The following WDR17 variants were observed in gnomAD, a reference collection of about 807,000 sequenced individuals.
The protein encoded by WDR17 is WD repeat-containing protein 17.
In WDR17, 143 loss-of-function variants were observed where a neutral mutation model predicts 161.7. That is an observed-to-expected ratio of 0.88 (90% CI 0.77 to 1.02). The LOEUF is 1.02. Ranked by LOEUF, WDR17 falls within the 50% of genes least tolerant of loss-of-function variation. The pLI, the probability that WDR17 is intolerant of heterozygous loss-of-function variation, is 0.00. For missense variants in WDR17, 1,469 were observed against 1,520.9 expected (o/e 0.97, Z 0.57); for synonymous variants, 517 against 515.6 (o/e 1.00, Z -0.04).
intron 6 of WDR17, 83 bp from the exon 7 acceptor site, chr4:176,131,471 T>C: frequency 1.5e-6 from 2 of 1,365,892 alleles, no homozygotes; most frequent in Non-Finnish European, 2.0e-6. Flanking sequence ...GTACAGATTC[T>C]GGATTTTTTT....
intron 1 of WDR17, among the ~76,000 whole-genome samples, chr4:176,076,400 CGTT>C (rs1302110326): frequency 3.9e-5 from 4 of 101,368 alleles, no homozygotes; most frequent in Admixed American, 1.9e-4. Context: ...AATGAGTTGT[CGTT>C]GTTGGTTTTT....
chr4:176,080,867 G>A (rs1308979894), intron 1 of WDR17, among the ~76,000 whole-genome samples: 1 of 151,978 alleles, frequency 6.6e-6, no homozygotes, highest in Non-Finnish European at 1.5e-5. Context: ...TCAAAATTGT[G>A]TATGAAATGC....
chr4:176,177,776 G>C, intron 28 of WDR17, 122 bp downstream of exon 28: 1 of 914,122 alleles, frequency 1.1e-6, no homozygotes, highest in Non-Finnish European at 1.6e-6. Context: ...GGTCCAGTAA[G>C]GAAATATTAC....
At chr4:176,108,262 G>A (rs1473468525) in intron 1 of WDR17, among the ~76,000 whole-genome samples, 1 of 152,140 alleles carries the variant, frequency 6.6e-6, no homozygotes, top group East Asian at 1.9e-4. Flanking sequence ...TAGCTATCGA[G>A]CCATGAAAAG....
intron 3 of WDR17, among the ~76,000 whole-genome samples, chr4:176,119,377 C>T (rs915715561): frequency 6.6e-6 from 1 of 152,080 alleles, no homozygotes; most frequent in Non-Finnish European, 1.5e-5. Flanking sequence ...CCTGATAAGA[C>T]ATAGATTATA....
chr4:176,146,244 T>C lies in WDR17; in HGVS notation c.1694+85T>C, dbSNP rs1746141273. ...GAAATGTACATATTTATAGGAGATA[T>C]ATAGATATATACAGAGTCTCCCTCT... On this transcript the variant is annotated intron_variant, in intron 12 of 28. Transcript: ENST00000508596. 19 of 1,410,322 alleles carry C rather than the reference T, an allele frequency of 1.3e-5. No individual in the cohort carries two copies. The South Asian group carries it at 2.5e-4, about 19-fold the overall frequency. The allele number at this position is 1,410,322 out of a possible 1,614,324, so 87.4% of individuals were successfully genotyped here. A position where few individuals can be genotyped will look rare whatever the true frequency, so the allele number is the denominator to read the frequency against.
At chr4:176,122,733 C>G (rs1440576356) in intron 4 of WDR17, among the ~76,000 whole-genome samples, 14 of 152,182 alleles carry the variant, frequency 9.2e-5, no homozygotes, top group Non-Finnish European at 1.5e-5. Context: ...CCTCCAGGTT[C>G]TTGCAGGAAC....
At position 176,174,608 on chromosome 4, in the gene WDR17, C is replaced by G; in HGVS notation, c.3348-9C>G. ...TGGAATTTATAAAAATAAATATATT[C>G]TCTTTTAGAGCTCGAAATGAGTTGC... is the stretch of plus-strand genomic sequence containing the variant. On this transcript the variant is annotated splice_polypyrimidine_tract_variant and intron_variant, in intron 25 of 28. Coordinates refer to ENST00000508596, the MANE Select transcript of WDR17 (RefSeq NM_181265.4). 1 of 1,588,742 alleles carries G rather than the reference C, an allele frequency of 6.3e-7. No individual in the cohort carries two copies. The highest frequency in any genetic ancestry group is 8.6e-7 in the Non-Finnish European group (1 of 1,164,294).
At chr4:176,100,639 A>G (rs899796709) in intron 1 of WDR17, among the ~76,000 whole-genome samples, 1 of 151,962 alleles carries the variant, frequency 6.6e-6, no homozygotes, top group African/African-American at 2.4e-5. Flanking sequence ...TTTTGAGGTC[A>G]TAGTATACAT....
intron 22 of WDR17, among the ~76,000 whole-genome samples, chr4:176,164,156 C>T (rs1015662698): frequency 6.6e-6 from 1 of 152,108 alleles, no homozygotes; most frequent in Non-Finnish European, 1.5e-5. Context: ...GTGCCAAGCA[C>T]GATTTTAAGT....
Position 176,069,613 on chromosome 4 carries a change from T to G in WDR17, c.-7+3534T>G, listed in dbSNP as rs189551152. Among the ~76,000 whole-genome samples the G allele has an allele frequency of 3.8e-3, 573 of 152,338 alleles. 6 individuals are homozygous for G. Among genetic ancestry groups the G allele is most frequent in the Non-Finnish European group, 6.3e-3 (430 of 68,020 alleles). On this transcript the variant is annotated intron_variant, in intron 1 of 28. Transcript: ENST00000508596. ...TGAGGTCCTTAAACAATTTTTCTTATGCTTAGGTTTATTGTTTTCTTCTTC... is the reference window on the plus strand; with the variant it reads ...TGAGGTCCTTAAACAATTTTTCTTAGGCTTAGGTTTATTGTTTTCTTCTTC...
intron 1 of WDR17, among the ~76,000 whole-genome samples, chr4:176,090,531 A>C (rs1380404605): frequency 6.6e-6 from 1 of 152,168 alleles, no homozygotes; most frequent in African/African-American, 2.4e-5. Flanking sequence ...CATTAAATGA[A>C]TTTACTTAAG....
Position 176,139,988 on chromosome 4 carries a change from A to G in WDR17, c.1442+14A>G, listed in dbSNP as rs775041765. The stretch of plus-strand genomic sequence containing the variant: ...TGATGGTTTCTGGTAAGTACTATGT[A>G]TGATACATGATATGAAATTACACTG... On this transcript the variant is annotated intron_variant, in intron 10 of 28. Coordinates refer to ENST00000508596, the MANE Select transcript of WDR17 (RefSeq NM_181265.4). The G allele has an allele frequency of 3.8e-6, 6 of 1,576,276 alleles. No individual in the cohort carries two copies. In the East Asian group the frequency reaches 1.1e-4, roughly 30 times the overall value.
At chr4:176,116,502 C>T (rs1402587855) in intron 3 of WDR17, among the ~76,000 whole-genome samples, 1 of 151,756 alleles carries the variant, frequency 6.6e-6, no homozygotes, top group African/African-American at 2.4e-5. Context: ...ATTGGGAACT[C>T]GCATTTAATC....
chr4:176,156,218 C>T, intron 18 of WDR17, 75 bp downstream of exon 18: 1 of 1,383,970 alleles, frequency 7.2e-7, no homozygotes, highest in Non-Finnish European at 1.0e-6. Flanking sequence ...ATAAATATGG[C>T]AGTAGCTCTT....
intron 21 of WDR17, among the ~76,000 whole-genome samples, chr4:176,162,861 A>G (rs1244063341): frequency 1.3e-5 from 2 of 152,188 alleles, no homozygotes; most frequent in South Asian, 2.1e-4. Context: ...ATTGAAGGAC[A>G]TATTGAGAAT....
intron 1 of WDR17, among the ~76,000 whole-genome samples, chr4:176,108,016 C>T (rs1051164116): frequency 6.6e-6 from 1 of 151,284 alleles, no homozygotes; most frequent in Non-Finnish European, 1.5e-5. Flanking sequence ...TTCTTCCCTT[C>T]CTCCTGCCCT....
intron 13 of WDR17, 69 bp from the exon 14 acceptor site, chr4:176,149,738 G>C: frequency 6.4e-7 from 1 of 1,573,356 alleles, no homozygotes; most frequent in Non-Finnish European, 8.6e-7. Context: ...GAAGTTTTAT[G>C]AAGCACATAT....
chr4:176,161,366 T>A (rs1749009484), intron 20 of WDR17, among the ~76,000 whole-genome samples: 1 of 152,178 alleles, frequency 6.6e-6, no homozygotes, highest in Non-Finnish European at 1.5e-5. Context: ...TGTATGTAAG[T>A]TCACAGTAAC....
Sources: allele counts gnomAD v4.1 joint callset (sites outside exome capture counted in the v4.1 genomes callset), GRCh38; gene constraint gnomAD v4.1.1; transcripts MANE v1.5; gene names NCBI Gene and HGNC (gene_info 2026-07-23, HGNC 2026-07-21).